The following SNTG1 variants were observed in gnomAD, a reference collection of about 807,000 sequenced individuals.
SNTG1 encodes syntrophin gamma 1.
In SNTG1, 39 loss-of-function variants were observed where a neutral mutation model predicts 74.7. The ratio of observed to expected loss-of-function variants is 0.52; its 90% CI spans 0.40 to 0.68. SNTG1 has a LOEUF of 0.68. Ranked by LOEUF, SNTG1 falls within the 30% of genes least tolerant of loss-of-function variation. SNTG1 has a pLI of 0.00. For synonymous variants in SNTG1, 254 were observed against 217.1 expected, an observed-to-expected ratio of 1.17 and a Z score of -1.49; for missense variants, 685 against 609.5, an observed-to-expected ratio of 1.12 and a Z score of -1.30.
At chr8:50,609,931 T>A (rs2094838493) in intron 13 of SNTG1, among the ~76,000 whole-genome samples, 1 of 152,174 alleles carries the variant, frequency 6.6e-6, no homozygotes, top group Admixed American at 6.6e-5. Flanking sequence ...CTTCTGTAAG[T>A]TTTTGTTTGC....
At chr8:50,108,006 T>C (rs1425360710) in intron 1 of SNTG1, among the ~76,000 whole-genome samples, 1 of 152,202 alleles carries the variant, frequency 6.6e-6, no homozygotes, top group Non-Finnish European at 1.5e-5. Flanking sequence ...ATATTTTGAA[T>C]GATGAGTCAG....
intron 1 of SNTG1, among the ~76,000 whole-genome samples, chr8:50,089,583 A>T (rs2079633550): frequency 6.6e-6 from 1 of 152,172 alleles, no homozygotes; most frequent in Admixed American, 6.5e-5. Context: ...AACCCCATCA[A>T]AAAGTGGGCG....
intron 4 of SNTG1, among the ~76,000 whole-genome samples, chr8:50,407,386 G>A (rs2092891565): frequency 1.3e-5 from 2 of 152,116 alleles, no homozygotes; most frequent in South Asian, 4.1e-4. Context: ...GTGGAAAATA[G>A]AACAGTCAGG....
intron 1 of SNTG1, chr8:50,164,543 TA>T (rs1268056849): frequency 6.6e-6 from 1 of 152,244 alleles, no homozygotes; most frequent in Non-Finnish European, 1.5e-5. Flanking sequence ...GAACACATTT[TA>T]AATTACTAGG....
At chr8:49,983,784 T>C (rs558377977) in intron 1 of SNTG1, among the ~76,000 whole-genome samples, 2 of 152,360 alleles carry the variant, frequency 1.3e-5, no homozygotes, top group South Asian at 4.1e-4. Context: ...ATCACAGTTA[T>C]TGAATTCTTG....
intron 17 of SNTG1, among the ~76,000 whole-genome samples, chr8:50,745,022 T>G (rs1192492876): frequency 6.6e-6 from 1 of 151,878 alleles, no homozygotes; most frequent in Non-Finnish European, 1.5e-5. Flanking sequence ...CGCCGAAAGC[T>G]CAGGCAACAA....
chr8:50,037,727 C>CTAGT (rs1313692431), intron 1 of SNTG1, among the ~76,000 whole-genome samples: 8 of 152,226 alleles, frequency 5.3e-5, no homozygotes, highest in African/African-American at 1.9e-4. Context: ...AAACATTGGG[C>CTAGT]TAGTTATCAA....
chr8:50,485,767 A>G (rs1218656599), intron 8 of SNTG1, among the ~76,000 whole-genome samples: 1 of 150,988 alleles, frequency 6.6e-6, no homozygotes, highest in Non-Finnish European at 1.5e-5. Flanking sequence ...CTGAATGGTA[A>G]TGCCTAGGTT....
chr8:50,231,048 A>T (rs1401228117), intron 2 of SNTG1, among the ~76,000 whole-genome samples: 1 of 151,366 alleles, frequency 6.6e-6, no homozygotes, highest in East Asian at 1.9e-4. Context: ...ACTCTAAAGA[A>T]ATAAAACAAA....
At chr8:50,150,894 G>T (rs533953636) in intron 1 of SNTG1, among the ~76,000 whole-genome samples, 2 of 152,238 alleles carry the variant, frequency 1.3e-5, no homozygotes, top group African/African-American at 4.8e-5. Flanking sequence ...GTCTCTGCCA[G>T]GCTTTGGTAT....
rs6994923 is a variant in SNTG1, at chr8:50,332,726, A to G, written c.-27-61486A>G. Among the ~76,000 whole-genome samples, 17 of 152,288 alleles carry G rather than the reference A, an allele frequency of 1.1e-4. 1 individual carries two copies. The highest frequency in any genetic ancestry group is 4.1e-4 in the African/African-American group (17 of 41,570). ...AATTAAAATAAAAGTTTTGCCAGCA[A>G]TTAATCTCCTTAGCCGTTAGAATAG... On this transcript the variant is annotated intron_variant, in intron 2 of 18. Transcript: ENST00000642720.
At chr8:50,069,109 T>C (rs1283675545) in intron 1 of SNTG1, among the ~76,000 whole-genome samples, 1 of 152,194 alleles carries the variant, frequency 6.6e-6, no homozygotes, top group Non-Finnish European at 1.5e-5. Flanking sequence ...AGCTAGATGC[T>C]AGGGTGACAG....
In SNTG1 at chr8:50,548,086, A is replaced by G. The variant is rs77488899; in HGVS notation, c.681-4964A>G. ...TAAGGACCTTGGGGTCCCAGAGATC[A>G]ATTGTACTGGTGCTTCTTTGCACAA... On this transcript the variant is annotated intron_variant, in intron 11 of 18. Coordinates refer to ENST00000642720, the MANE Select transcript of SNTG1 (RefSeq NM_018967.5). 7.6e-3 allele frequency among the ~76,000 whole-genome samples: 1,165 copies of G among 152,312 alleles called. 11 individuals carry two copies. Among genetic ancestry groups the G allele is most frequent in the African/African-American group, 0.027 (1,110 of 41,576 alleles).
At chr8:50,540,275 A>T (rs1172553660) in intron 11 of SNTG1, among the ~76,000 whole-genome samples, 2 of 152,146 alleles carry the variant, frequency 1.3e-5, no homozygotes, top group South Asian at 2.1e-4. Flanking sequence ...TGACCTATGG[A>T]CTATTTAAAA....
At chr8:50,325,203 G>A (rs1299400287) in intron 2 of SNTG1, among the ~76,000 whole-genome samples, 1 of 151,396 alleles carries the variant, frequency 6.6e-6, no homozygotes, top group Non-Finnish European at 1.5e-5. Flanking sequence ...TGCCCATTGT[G>A]TATCTTCTGT....
At chr8:50,169,850 A>G (rs1254324467) in intron 1 of SNTG1, among the ~76,000 whole-genome samples, 1 of 152,152 alleles carries the variant, frequency 6.6e-6, no homozygotes, top group African/African-American at 2.4e-5. Flanking sequence ...TTAAGGCAGG[A>G]GGATCACTGG....
At chr8:50,662,214 C>A (rs62516802) in intron 15 of SNTG1, among the ~76,000 whole-genome samples, 31,233 of 152,046 alleles carry the variant, frequency 0.21, 3,302 homozygotes, top group South Asian at 0.31. Flanking sequence ...CTTCTGCCTC[C>A]AGAAAATGGA....
chr8:50,196,728 C>T (rs995359478), intron 2 of SNTG1, among the ~76,000 whole-genome samples: 23 of 150,288 alleles, frequency 1.5e-4, no homozygotes, highest in African/African-American at 5.4e-4. Context: ...AAGCTGAGGC[C>T]GGTGGATCAC....
rs1279360309 is a variant in SNTG1, at chr8:50,119,724, A to T, written c.-102-52837A>T. Among the ~76,000 whole-genome samples the T allele has an allele frequency of 1.4e-5, 2 of 141,674 alleles. 1 individual carries two copies. The highest frequency in any genetic ancestry group is 3.1e-5 in the Non-Finnish European group (2 of 63,718). The allele number at this position is 141,674 out of a possible 152,430, so 92.9% of individuals were successfully genotyped here. On this transcript the variant is annotated intron_variant, in intron 1 of 18. Coordinates refer to ENST00000642720, the MANE Select transcript of SNTG1 (RefSeq NM_018967.5). ...TATTGATTCAGTTTGTAATTTTACA[A>T]TGTAAGGACAATTACTATACCCCTA...
Sources: gnomAD v4.1 joint callset for allele counts (sites outside exome capture counted in the v4.1 genomes callset) on GRCh38, gnomAD v4.1.1 for gene constraint, MANE v1.5 for transcripts, NCBI Gene and HGNC (gene_info 2026-07-23, HGNC 2026-07-21) for gene names.